The following RBFOX1 variants were observed in gnomAD, a reference collection of about 807,000 sequenced individuals.
The protein encoded by RBFOX1 is RNA binding protein fox-1 homolog 1.
Under a neutral mutation model 57.7 loss-of-function variants are expected in RBFOX1, and 8 were observed. The ratio of observed to expected loss-of-function variants is 0.14; its 90% CI spans 0.08 to 0.25. RBFOX1 has a LOEUF of 0.25. RBFOX1 is among the 10% of genes least tolerant of loss of function. The probability of loss-of-function intolerance (pLI) is 1.00; values close to 1 mark genes in which losing one functional copy is unlikely to be tolerated. For missense variants in RBFOX1, 611 were observed against 548.5 expected, an observed-to-expected ratio of 1.11 and a Z score of -1.14; for synonymous variants, 326 against 222.4, an observed-to-expected ratio of 1.47 and a Z score of -4.15.
At chr16:7,466,378 C>G (rs1196849331) in intron 4 of RBFOX1, among the ~76,000 whole-genome samples, 6 of 152,296 alleles carry the variant, frequency 3.9e-5, no homozygotes, top group African/African-American at 1.4e-4. Context: ...ACTGCATTAT[C>G]TCATTAAATT....
intron 4 of RBFOX1, among the ~76,000 whole-genome samples, chr16:7,489,362 T>C (rs564241795): frequency 6.6e-6 from 1 of 152,360 alleles, no homozygotes; most frequent in East Asian, 1.9e-4. Context: ...AAATAGCAAA[T>C]ATTAATCTCT....
At chr16:7,174,614 C>G (rs1048950262) in intron 4 of RBFOX1, among the ~76,000 whole-genome samples, 13 of 152,126 alleles carry the variant, frequency 8.5e-5, no homozygotes, top group Admixed American at 3.9e-4. Context: ...AACCCCATCT[C>G]TACTAAAAAT....
intron 4 of RBFOX1, among the ~76,000 whole-genome samples, chr16:5,988,626 G>T (rs371258581): frequency 1.3e-5 from 2 of 152,108 alleles, no homozygotes; most frequent in Non-Finnish European, 2.9e-5. Flanking sequence ...GGACAGCCTC[G>T]TATCCTGTGA....
intron 2 of RBFOX1, among the ~76,000 whole-genome samples, chr16:6,500,882 T>TTTTTGTTTGTTTG (rs1555507137): frequency 7.4e-6 from 1 of 135,220 alleles, no homozygotes. Context: ...AGTAGTTTTT[T>TTTTTGTTTGTTTG]TTTTTTTTTT....
At chr16:7,421,560 G>C (rs1568800206) in intron 4 of RBFOX1, among the ~76,000 whole-genome samples, 1 of 152,208 alleles carries the variant, frequency 6.6e-6, no homozygotes, top group Non-Finnish European at 1.5e-5. Flanking sequence ...ACTGCTCTGA[G>C]CGTACCTAAC....
At chr16:6,081,851 C>G (rs1031279864) in intron 1 of RBFOX1, among the ~76,000 whole-genome samples, 3 of 152,116 alleles carry the variant, frequency 2.0e-5, no homozygotes, top group African/African-American at 7.2e-5. Context: ...CTTGAGAGTC[C>G]TAGTCCTTGT....
intron 4 of RBFOX1, among the ~76,000 whole-genome samples, chr16:5,977,171 T>C (rs985357703): frequency 6.6e-6 from 1 of 152,136 alleles, no homozygotes; most frequent in Non-Finnish European, 1.5e-5. Flanking sequence ...TGTAGCTATA[T>C]TGTGTGGGCA....
intron 3 of RBFOX1, among the ~76,000 whole-genome samples, chr16:5,683,341 T>C (rs1346550434): frequency 6.6e-6 from 1 of 152,076 alleles, no homozygotes; most frequent in Admixed American, 6.6e-5. Flanking sequence ...AACCACTGCT[T>C]TTGATTGGCT....
intron 4 of RBFOX1, among the ~76,000 whole-genome samples, chr16:7,210,287 T>C (rs1339772550): frequency 1.3e-5 from 2 of 152,146 alleles, no homozygotes; most frequent in African/African-American, 4.8e-5. Context: ...CAGAAATCCA[T>C]GGGCCAGGCC....
intron 1 of RBFOX1, among the ~76,000 whole-genome samples, chr16:5,451,870 C>T (rs1022106255): frequency 7.3e-5 from 11 of 151,562 alleles, no homozygotes; most frequent in African/African-American, 2.7e-4. Flanking sequence ...CAACTCCCAG[C>T]TGCCCACGAT....
At chr16:6,965,925 T>C (rs1410031517) in intron 3 of RBFOX1, among the ~76,000 whole-genome samples, 4 of 152,156 alleles carry the variant, frequency 2.6e-5, no homozygotes, top group Non-Finnish European at 5.9e-5. Context: ...AGAGTTGGCA[T>C]TTAGCATCGG....
chr16:6,563,898 G>A (rs1323606708), intron 2 of RBFOX1, among the ~76,000 whole-genome samples: 2 of 151,804 alleles, frequency 1.3e-5, no homozygotes, highest in East Asian at 1.9e-4. Context: ...GTGTATATGT[G>A]CGTATATGTG....
chr16:7,109,416 C>G (rs367792504), intron 4 of RBFOX1, among the ~76,000 whole-genome samples: 2 of 152,054 alleles, frequency 1.3e-5, no homozygotes, highest in Admixed American at 6.6e-5. Flanking sequence ...CTCTCAGAAC[C>G]CTAAGGCAAT....
At chr16:6,224,063 C>G (rs1406293314) in intron 1 of RBFOX1, among the ~76,000 whole-genome samples, 1 of 151,924 alleles carries the variant, frequency 6.6e-6, no homozygotes, top group East Asian at 1.9e-4. Flanking sequence ...TGATCTATAT[C>G]TCTGTTTTGG....
At chr16:6,213,335 A>T (rs1003769803) in intron 1 of RBFOX1, among the ~76,000 whole-genome samples, 1 of 152,052 alleles carries the variant, frequency 6.6e-6, no homozygotes, top group Non-Finnish European at 1.5e-5. Context: ...ACTTTCTCTT[A>T]GGAAAGGCAC....
intron 2 of RBFOX1, among the ~76,000 whole-genome samples, chr16:6,572,715 C>A (rs1384339347): frequency 2.0e-5 from 3 of 152,110 alleles, no homozygotes; most frequent in Non-Finnish European, 2.9e-5. Flanking sequence ...GCCTCAGCCT[C>A]CCGAGTAGCT....
chr16:5,630,051 T>C (rs1479185746), intron 3 of RBFOX1, among the ~76,000 whole-genome samples: 1 of 152,158 alleles, frequency 6.6e-6, no homozygotes, highest in African/African-American at 2.4e-5. Flanking sequence ...CAGATACATA[T>C]CAGGATTCTC....
chr16:7,693,946 C>G (rs1017441612), intron 14 of RBFOX1, among the ~76,000 whole-genome samples: 1 of 152,148 alleles, frequency 6.6e-6, no homozygotes, highest in African/African-American at 2.4e-5. Context: ...GAGACCAGGT[C>G]TTTTGGTTTT....
intron 3 of RBFOX1, among the ~76,000 whole-genome samples, chr16:6,665,812 T>G (rs1390668699): frequency 6.6e-6 from 1 of 152,172 alleles, no homozygotes; most frequent in Non-Finnish European, 1.5e-5. Flanking sequence ...GAAAGATCCT[T>G]TAAGACAGAT....
Sources: allele counts gnomAD v4.1 joint callset (sites outside exome capture counted in the v4.1 genomes callset), GRCh38; gene constraint gnomAD v4.1.1; transcripts MANE v1.5; gene names NCBI Gene and HGNC (gene_info 2026-07-23, HGNC 2026-07-21).